The following SPECC1 variants were observed in gnomAD, a reference collection of about 807,000 sequenced individuals.
SPECC1 encodes the protein sperm antigen with calponin homology and coiled-coil domains 1.
In SPECC1, 62 loss-of-function variants were observed where a neutral mutation model predicts 104.1. The observed-to-expected ratio is 0.60, with a 90% confidence interval of 0.49 to 0.74. The LOEUF is 0.74. Ranked by LOEUF, SPECC1 falls within the 30% of genes least tolerant of loss-of-function variation. The pLI, the probability that SPECC1 is intolerant of heterozygous loss-of-function variation, is 0.00. For synonymous variants in SPECC1, 513 were observed against 501.6 expected, an observed-to-expected ratio of 1.02 and a Z score of -0.30; for missense variants, 1,306 against 1,310.5, an observed-to-expected ratio of 1.00 and a Z score of 0.05.
At chr17:20,043,081 T>G (rs528060943) in intron 1 of SPECC1, among the ~76,000 whole-genome samples, 3 of 152,292 alleles carry the variant, frequency 2.0e-5, no homozygotes, top group Admixed American at 6.5e-5. Flanking sequence ...AGCAAGTTTC[T>G]TTGGAGAGGC....
chr17:20,116,299 A>T (rs1443941855), intron 3 of SPECC1, among the ~76,000 whole-genome samples: 1 of 152,092 alleles, frequency 6.6e-6, no homozygotes, highest in African/African-American at 2.4e-5. Context: ...CATGTTAGCC[A>T]GGATGGTCTC....
At chr17:20,274,567 G>T (rs531965294) in intron 12 of SPECC1, among the ~76,000 whole-genome samples, 2 of 126,712 alleles carry the variant, frequency 1.6e-5, no homozygotes, top group African/African-American at 6.2e-5. Context: ...TGCAATCTCC[G>T]CCTCCCAGGT....
intron 1 of SPECC1, chr17:20,017,971 T>C (rs1240384783): frequency 1.3e-5 from 2 of 152,462 alleles, no homozygotes; most frequent in Non-Finnish European, 2.9e-5. Context: ...GAATTCCTTT[T>C]TTCCTGTCTT....
intron 9 of SPECC1, among the ~76,000 whole-genome samples, chr17:20,247,945 A>C (rs1005381661): frequency 2.0e-5 from 3 of 152,236 alleles, no homozygotes; most frequent in Non-Finnish European, 4.4e-5. Context: ...TTCCCAGAGC[A>C]TCTGAAAGTT....
chr17:20,059,768 AGGAG>A (rs941233160), intron 1 of SPECC1, among the ~76,000 whole-genome samples: 1 of 152,186 alleles, frequency 6.6e-6, no homozygotes, highest in African/African-American at 2.4e-5. Context: ...AGGCTAAGGC[AGGAG>A]GATCCCTTGA....
chr17:20,173,117 C>A (rs2034210855), intron 3 of SPECC1, among the ~76,000 whole-genome samples: 1 of 152,158 alleles, frequency 6.6e-6, no homozygotes, highest in Non-Finnish European at 1.5e-5. Flanking sequence ...TTCTTTTCCC[C>A]TAATTGTGGG....
intron 1 of SPECC1, among the ~76,000 whole-genome samples, chr17:20,034,121 G>C (rs2044953166): frequency 6.6e-6 from 1 of 150,832 alleles, no homozygotes; most frequent in African/African-American, 2.4e-5. Context: ...TTTTGAGACG[G>C]AGTCTCGCTC....
Position 20,046,028 on chromosome 17 carries a change from C to A in SPECC1, c.-22+36604C>A, listed in dbSNP as rs182022402. The stretch of plus-strand genomic sequence containing the variant: ...ATACCTTTCTAAAAAAAAAAAAAAC[C>A]ATTAGCATAGTAATATTACTTCACA... On this transcript the variant is annotated intron_variant, in intron 1 of 14. Coordinates refer to ENST00000395527, the MANE Select transcript of SPECC1 (RefSeq NM_001243439.2). 6.4e-3 allele frequency among the ~76,000 whole-genome samples: 963 copies of A among 149,980 alleles called. 10 individuals carry two copies. The highest frequency in any genetic ancestry group is 0.022 in the African/African-American group (915 of 40,930).
chr17:20,194,501 AATTTT>A (rs1184876617), intron 3 of SPECC1, among the ~76,000 whole-genome samples: 1 of 68,130 alleles, frequency 1.5e-5, no homozygotes, highest in East Asian at 1.2e-3. Context: ...AAAGAGAACG[AATTTT>A]TTTTTTTTTT....
chr17:20,294,822 A>G lies in SPECC1; in HGVS notation c.2941-2139A>G, dbSNP rs1388937021. Among the ~76,000 whole-genome samples, 6 of 152,102 alleles carry G rather than the reference A, an allele frequency of 3.9e-5. No individual in the cohort carries two copies. In the South Asian group the frequency reaches 8.3e-4, roughly 21 times the overall value. ...AGAATAAGATATCTTTGAGCCTTTA[A>G]TGACTCTCCTGAGGGATGGACAGAA... is the stretch of plus-strand genomic sequence containing the variant. On this transcript the variant is annotated intron_variant, in intron 12 of 14. Coordinates refer to ENST00000395527, the MANE Select transcript of SPECC1 (RefSeq NM_001243439.2).
chr17:20,092,728 C>T (rs567729856), intron 1 of SPECC1, among the ~76,000 whole-genome samples: 1 of 152,320 alleles, frequency 6.6e-6, no homozygotes, highest in East Asian at 1.9e-4. Context: ...TTCTGTGTGC[C>T]TGGCACCTGA....
intron 1 of SPECC1, among the ~76,000 whole-genome samples, chr17:20,081,685 G>A (rs191246253): frequency 7.9e-5 from 12 of 152,198 alleles, no homozygotes; most frequent in African/African-American, 2.7e-4. Flanking sequence ...GCTGGACTGG[G>A]ATCTGTCCGG....
At chr17:20,223,622 G>A (rs2038028444) in intron 4 of SPECC1, among the ~76,000 whole-genome samples, 1 of 151,024 alleles carries the variant, frequency 6.6e-6, no homozygotes, top group South Asian at 2.1e-4. Context: ...GCAGTGAGCC[G>A]AGAAAGTACC....
chr17:20,065,951 T>G (rs2046341924), intron 1 of SPECC1, among the ~76,000 whole-genome samples: 2 of 152,220 alleles, frequency 1.3e-5, no homozygotes, highest in Admixed American at 1.3e-4. Flanking sequence ...CTAATGCCCA[T>G]AGTCCTTGTT....
chr17:20,099,602 G>A (rs1183365105), intron 2 of SPECC1, among the ~76,000 whole-genome samples: 1 of 147,158 alleles, frequency 6.8e-6, no homozygotes, highest in Non-Finnish European at 1.5e-5. Flanking sequence ...GGCTGAGACA[G>A]GAGAATTGCT....
intron 3 of SPECC1, among the ~76,000 whole-genome samples, chr17:20,203,094 C>T (rs1418820214): frequency 1.3e-5 from 2 of 152,000 alleles, no homozygotes; most frequent in South Asian, 4.2e-4. Context: ...GGTGTGGAAC[C>T]TGCCTTAGCG....
chr17:20,281,553 C>T (rs866588832), intron 12 of SPECC1, among the ~76,000 whole-genome samples: 56 of 152,178 alleles, frequency 3.7e-4, no homozygotes, highest in African/African-American at 9.2e-4. Context: ...AGGGCTGAAC[C>T]GCTAGTGAGT....
chr17:20,099,609 T>C (rs966055013), intron 2 of SPECC1, among the ~76,000 whole-genome samples: 2 of 144,646 alleles, frequency 1.4e-5, no homozygotes, highest in Admixed American at 1.5e-4. Context: ...ACAGGAGAAT[T>C]GCTTGAACCT....
intron 4 of SPECC1, among the ~76,000 whole-genome samples, chr17:20,211,700 G>T (rs75925580): frequency 0.12 from 17,836 of 152,262 alleles, 1,079 homozygotes; most frequent in Non-Finnish European, 0.13. Flanking sequence ...GCAGAAGTTT[G>T]GTGGAGACAG....
Sources: allele counts gnomAD v4.1 joint callset (sites outside exome capture counted in the v4.1 genomes callset), GRCh38; gene constraint gnomAD v4.1.1; transcripts MANE v1.5; gene names NCBI Gene and HGNC (gene_info 2026-07-23, HGNC 2026-07-21).